Variants in CMSS1 observed in about 807,000 individuals in gnomAD.
CMSS1 encodes the protein cms1 ribosomal small subunit homolog, also known as protein CMSS1.
CMSS1 carries 33 observed loss-of-function variants against 43.5 expected under a neutral mutation model. That is an observed-to-expected ratio of 0.76 (90% confidence interval 0.57 to 1.01). CMSS1 has a LOEUF of 1.01. CMSS1 is among the 50% of genes least tolerant of loss of function. The pLI is 0.00. For missense variants in CMSS1, 313 were observed against 326.4 expected (o/e 0.96, Z 0.32); for synonymous variants, 115 against 117.2 (o/e 0.98, Z 0.12).
intron 1 of CMSS1, among the ~76,000 whole-genome samples, chr3:100,145,637 C>T (rs1232417506): frequency 6.6e-6 from 1 of 152,126 alleles, no homozygotes; most frequent in Non-Finnish European, 1.5e-5. Context: ...TAGTTCTAGT[C>T]CTAGTCTAAA....
intron 1 of CMSS1, among the ~76,000 whole-genome samples, chr3:99,837,272 C>T (rs996623938): frequency 6.6e-6 from 1 of 152,148 alleles, no homozygotes; most frequent in African/African-American, 2.4e-5. Flanking sequence ...TGTTATGGAA[C>T]TTTTGAGGAC....
At chr3:99,975,870 C>A (rs1708954535) in intron 1 of CMSS1, among the ~76,000 whole-genome samples, 1 of 152,140 alleles carries the variant, frequency 6.6e-6, no homozygotes. Flanking sequence ...GGCTAGCAAG[C>A]AAACAGTAAT....
At chr3:100,138,786 A>G (rs1218292495) in intron 1 of CMSS1, among the ~76,000 whole-genome samples, 1 of 152,244 alleles carries the variant, frequency 6.6e-6, no homozygotes, top group East Asian at 1.9e-4. Flanking sequence ...CAGTATGGCA[A>G]TTCCTCAAGG....
At chr3:100,067,070 C>T (rs1295625209) in intron 1 of CMSS1, among the ~76,000 whole-genome samples, 3 of 152,228 alleles carry the variant, frequency 2.0e-5, no homozygotes, top group African/African-American at 7.2e-5. Flanking sequence ...ATTAGGTTAA[C>T]TGTCACAGGG....
intron 1 of CMSS1, among the ~76,000 whole-genome samples, chr3:100,052,373 G>T (rs564607094): frequency 2.0e-5 from 3 of 152,322 alleles, no homozygotes; most frequent in African/African-American, 7.2e-5. Flanking sequence ...ATTCCAGGGG[G>T]AACTTTTGTT....
intron 1 of CMSS1, among the ~76,000 whole-genome samples, chr3:100,054,711 G>A (rs1224401133): frequency 6.6e-6 from 1 of 152,092 alleles, no homozygotes; most frequent in Non-Finnish European, 1.5e-5. Flanking sequence ...CCTCTGGGCT[G>A]CACTGTCTTT....
At chr3:99,922,892 A>T (rs937258620) in intron 1 of CMSS1, among the ~76,000 whole-genome samples, 4 of 152,152 alleles carry the variant, frequency 2.6e-5, no homozygotes, top group Non-Finnish European at 5.9e-5. Context: ...TTTTTAAAGC[A>T]TTGCAATTTG....
chr3:100,118,352 G>A (rs2066593259), intron 1 of CMSS1, among the ~76,000 whole-genome samples: 2 of 151,856 alleles, frequency 1.3e-5, no homozygotes, highest in South Asian at 4.2e-4. Flanking sequence ...CTATAGTATT[G>A]TATTATTAAT....
intron 1 of CMSS1, among the ~76,000 whole-genome samples, chr3:99,935,001 C>G (rs771281812): frequency 1.3e-5 from 2 of 152,068 alleles, no homozygotes; most frequent in Non-Finnish European, 2.9e-5. Flanking sequence ...TACTGAGGAG[C>G]ATGTGTCTCT....
intron 1 of CMSS1, among the ~76,000 whole-genome samples, chr3:100,021,914 A>T (rs1049113784): frequency 2.3e-5 from 2 of 86,590 alleles, no homozygotes; most frequent in African/African-American, 1.0e-4. Context: ...GCTAGATCCC[A>T]TTGTGTGTGT....
chr3:99,891,059 T>C (rs1706068231), intron 1 of CMSS1, among the ~76,000 whole-genome samples: 1 of 151,786 alleles, frequency 6.6e-6, no homozygotes, highest in Admixed American at 6.6e-5. Flanking sequence ...TGTTTTGTTT[T>C]TGTTTTTTTT....
chr3:99,924,605 G>A (rs1370352641), intron 1 of CMSS1, among the ~76,000 whole-genome samples: 7 of 152,100 alleles, frequency 4.6e-5, no homozygotes, highest in African/African-American at 7.2e-5. Context: ...TGCAACTTCC[G>A]CCTCCCGGGT....
intron 1 of CMSS1, among the ~76,000 whole-genome samples, chr3:99,918,460 A>T (rs561505279): frequency 6.6e-6 from 1 of 152,312 alleles, no homozygotes; most frequent in Middle Eastern, 3.4e-3. Context: ...CAATAAACTC[A>T]CTATCATGTA....
chr3:99,919,332 CCTG>C (rs1358377272), intron 1 of CMSS1, among the ~76,000 whole-genome samples: 2 of 150,618 alleles, frequency 1.3e-5, no homozygotes, highest in Non-Finnish European at 2.9e-5. Flanking sequence ...GGTCTTAAAG[CCTG>C]CAGTGGTGTC....
intron 1 of CMSS1, among the ~76,000 whole-genome samples, chr3:99,943,671 T>G (rs1034175450): frequency 1.3e-5 from 2 of 151,782 alleles, no homozygotes; most frequent in Non-Finnish European, 2.9e-5. Flanking sequence ...GCCACTGCAC[T>G]CCAGCCTGGG....
chr3:100,096,947 C>A (rs1417268453), intron 1 of CMSS1, among the ~76,000 whole-genome samples: 1 of 152,098 alleles, frequency 6.6e-6, no homozygotes, highest in Non-Finnish European at 1.5e-5. Context: ...AAAGCCAATA[C>A]AGTATAACAA....
At chr3:100,107,860 G>T (rs1321323150) in intron 1 of CMSS1, among the ~76,000 whole-genome samples, 4 of 143,762 alleles carry the variant, frequency 2.8e-5, no homozygotes, top group Admixed American at 1.4e-4. Flanking sequence ...TTTTATGGTA[G>T]AAGAGAGCAA....
intron 1 of CMSS1, among the ~76,000 whole-genome samples, chr3:100,064,052 A>G (rs779898403): frequency 5.9e-5 from 9 of 152,100 alleles, no homozygotes; most frequent in Non-Finnish European, 1.0e-4. Flanking sequence ...AAGCAGGTGG[A>G]AGAGTTCTTG....
At chr3:99,932,664 C>T (rs1559693682) in intron 1 of CMSS1, among the ~76,000 whole-genome samples, 3 of 152,020 alleles carry the variant, frequency 2.0e-5, no homozygotes, top group Non-Finnish European at 2.9e-5. Context: ...CCGAGGCAGG[C>T]GGATTACCCG....
Sources: gnomAD v4.1 joint callset for allele counts (sites outside exome capture counted in the v4.1 genomes callset) on GRCh38, gnomAD v4.1.1 for gene constraint, MANE v1.5 for transcripts, NCBI Gene and HGNC (gene_info 2026-07-23, HGNC 2026-07-21) for gene names.